The following PCDH15 variants were observed in gnomAD, a reference collection of about 807,000 sequenced individuals.
PCDH15 encodes protocadherin-15.
PCDH15 carries 129 observed loss-of-function variants against 178.5 expected under a neutral mutation model. That is an observed-to-expected ratio of 0.72 (90% CI 0.63 to 0.84). The LOEUF (loss-of-function observed/expected upper bound fraction) is 0.84. Ranked by LOEUF, PCDH15 falls within the 40% of genes least tolerant of loss-of-function variation. The pLI is 0.00. For synonymous variants in PCDH15, 800 were observed against 732.0 expected (o/e 1.09, Z -1.50); for missense variants, 2,230 against 2,099.9 (o/e 1.06, Z -1.21).
At chr10:55,578,791 G>A (rs1237786835) in intron 2 of PCDH15, among the ~76,000 whole-genome samples, 1 of 151,992 alleles carries the variant, frequency 6.6e-6, no homozygotes, top group African/African-American at 2.4e-5. Flanking sequence ...ATGGTGGCAG[G>A]CAAAAAAGAT....
At chr10:54,198,687 G>A (rs559030124) in intron 10 of PCDH15, among the ~76,000 whole-genome samples, 1 of 99,394 alleles carries the variant, frequency 1.0e-5, no homozygotes, top group Non-Finnish European at 1.8e-5. Context: ...ATTTTTAGTA[G>A]AGACGGGGTT....
At chr10:54,116,160 A>G (rs1304279653) in intron 15 of PCDH15, among the ~76,000 whole-genome samples, 2 of 151,758 alleles carry the variant, frequency 1.3e-5, no homozygotes, top group East Asian at 1.9e-4. Context: ...AGAAGAAACT[A>G]TCAATTCTGT....
chr10:54,491,276 T>C (rs2079561060), intron 3 of PCDH15, among the ~76,000 whole-genome samples: 3 of 132,864 alleles, frequency 2.3e-5, no homozygotes, highest in Non-Finnish European at 1.6e-5. Context: ...CTTAACAAAA[T>C]CCACTAACAA....
At chr10:54,205,481 T>TTGTGTGTGTGTGTG (rs71461223) in intron 10 of PCDH15, among the ~76,000 whole-genome samples, 31,193 of 134,756 alleles carry the variant, frequency 0.23, 4,364 homozygotes, top group Non-Finnish European at 0.3. Context: ...TATATTTCCT[T>TTGTGTGTGTGTGTG]TGTGTGTGTG....
At chr10:55,341,791 ATATATATATATATATTTTTTTTT>A (rs1236709261) in intron 2 of PCDH15, among the ~76,000 whole-genome samples, 13 of 13,438 alleles carry the variant, frequency 9.7e-4, no homozygotes, top group African/African-American at 3.0e-3. Flanking sequence ...ATATATATAT[ATATATATATATATATTTTTTTTT>A]TTTTTTTTTT....
intron 26 of PCDH15, among the ~76,000 whole-genome samples, chr10:53,869,538 G>A (rs1294046294): frequency 6.6e-6 from 1 of 152,002 alleles, no homozygotes; most frequent in Non-Finnish European, 1.5e-5. Context: ...TATTATTAAT[G>A]TAAACTTTAT....
chr10:54,498,054 T>C (rs987420885), intron 3 of PCDH15, among the ~76,000 whole-genome samples: 1 of 151,884 alleles, frequency 6.6e-6, no homozygotes, highest in African/African-American at 2.4e-5. Flanking sequence ...AAGGAAGCTA[T>C]ACAGAGGGGA....
At chr10:54,740,546 T>C (rs953240700) in intron 1 of PCDH15, among the ~76,000 whole-genome samples, 4 of 151,592 alleles carry the variant, frequency 2.6e-5, no homozygotes, top group African/African-American at 9.7e-5. Flanking sequence ...AAAAAGGAAA[T>C]CAGAATATCC....
intron 1 of PCDH15, among the ~76,000 whole-genome samples, chr10:54,705,177 T>G (rs2132282009): frequency 6.6e-6 from 1 of 152,148 alleles, no homozygotes; most frequent in Admixed American, 6.5e-5. Flanking sequence ...CTTGAGAGTT[T>G]AGGGTAAGGA....
At chr10:54,770,048 C>T (rs924375294) in intron 1 of PCDH15, among the ~76,000 whole-genome samples, 8 of 152,070 alleles carry the variant, frequency 5.3e-5, no homozygotes, top group African/African-American at 9.7e-5. Flanking sequence ...CGCATTTTAA[C>T]GGCTTAATAG....
At chr10:54,569,612 A>G (rs2133537551) in intron 2 of PCDH15, among the ~76,000 whole-genome samples, 1 of 152,292 alleles carries the variant, frequency 6.6e-6, no homozygotes, top group Non-Finnish European at 1.5e-5. Flanking sequence ...ATAAGAGAGG[A>G]AATACAGTAA....
chr10:53,814,469 A>C (rs181873626), intron 35 of PCDH15, among the ~76,000 whole-genome samples: 46 of 152,280 alleles, frequency 3.0e-4, no homozygotes, highest in African/African-American at 1.1e-3. Context: ...TTGCATTAAA[A>C]ATGTAATAAG....
upstream of PCDH15, among the ~76,000 whole-genome samples, chr10:54,802,790 T>C (rs2133717103): frequency 6.6e-6 from 1 of 152,288 alleles, no homozygotes; most frequent in South Asian, 2.1e-4. Context: ...TAGTTATTTT[T>C]CTAATGACAA....
rs1589268118 is a variant in PCDH15 at position 54,412,244 on chromosome 10, A to G, written c.158-33302T>C. ...TTTAAAAATATACATCTTCTTAAAT[A>G]TATATTTATATTTTAATATATATTT... is the stretch of plus-strand genomic sequence containing the variant. On this transcript the variant is annotated intron_variant, in intron 3 of 37. Coordinates refer to ENST00000644397, the MANE Select transcript of PCDH15 (RefSeq NM_001384140.1). Among the ~76,000 whole-genome samples the G allele has an allele frequency of 3.4e-5, 5 of 149,154 alleles. 1 individual carries two copies. The Admixed American group carries it at 3.4e-4, about 10-fold the overall frequency.
At chr10:55,417,912 A>T (rs2132041890) in intron 2 of PCDH15, among the ~76,000 whole-genome samples, 1 of 151,790 alleles carries the variant, frequency 6.6e-6, no homozygotes, top group African/African-American at 2.4e-5. Flanking sequence ...AACCAGAAAA[A>T]AATGCAATTA....
chr10:55,331,082 A>G (rs1361176699), intron 2 of PCDH15, among the ~76,000 whole-genome samples: 1 of 151,936 alleles, frequency 6.6e-6, no homozygotes, highest in African/African-American at 2.4e-5. Flanking sequence ...CAAGAGGGAA[A>G]TGATGCTAAC....
chr10:54,175,895 T>C (rs1564608379), intron 13 of PCDH15, among the ~76,000 whole-genome samples: 2 of 152,146 alleles, frequency 1.3e-5, no homozygotes, highest in African/African-American at 4.8e-5. Flanking sequence ...GGTATGATAA[T>C]TACCTATGAT....
At chr10:55,088,618 ACTCATGGAACAGATTGC>A (rs370355896) in intron 2 of PCDH15, among the ~76,000 whole-genome samples, 6,162 of 152,062 alleles carry the variant, frequency 0.041, 298 homozygotes, top group East Asian at 0.14. Context: ...CTGGTGAGAT[ACTCATGGAACAGATTGC>A]CACAAAAGAG....
At chr10:53,820,031 G>T in intron 33 of PCDH15, 134 bp downstream of exon 33, 1 of 390,498 alleles carries the variant, frequency 2.6e-6, no homozygotes, top group Non-Finnish European at 4.5e-6. Context: ...ATGTTTTTTG[G>T]ACTTCTCTTA....
Sources: gnomAD v4.1 joint callset for allele counts (sites outside exome capture counted in the v4.1 genomes callset) on GRCh38, gnomAD v4.1.1 for gene constraint, MANE v1.5 for transcripts, NCBI Gene and HGNC (gene_info 2026-07-23, HGNC 2026-07-21) for gene names.